NLRC3: variants seen among roughly 807,000 people sequenced by gnomAD.
NLRC3 encodes the protein NLR family CARD domain-containing protein 3.
NLRC3 carries 87 observed loss-of-function variants against 91.6 expected under a neutral mutation model. That is an observed-to-expected ratio of 0.95 (90% CI 0.80 to 1.14). The LOEUF is 1.14. NLRC3 is among the 50% of genes most tolerant of loss of function. NLRC3 has a pLI of 0.00. For synonymous variants in NLRC3, 694 were observed against 625.3 expected, an observed-to-expected ratio of 1.11 and a Z score of -1.64; for missense variants, 1,577 against 1,418.6, an observed-to-expected ratio of 1.11 and a Z score of -1.79.
chr16:3,577,197 G>A lies in NLRC3; in HGVS notation c.-217C>T, dbSNP rs2040339293. On this transcript the variant is annotated 5_prime_UTR_variant, in exon 1 of 20. Transcript: ENST00000359128. Reference sequence around the variant, plus strand: ...AGGGACAGCAAGACTGGGGGGCCTGGGGGCGTCCATCTCCATGCTCCTGGG... The same window carrying A: ...AGGGACAGCAAGACTGGGGGGCCTGAGGGCGTCCATCTCCATGCTCCTGGG... 2 of 703,032 alleles carry A rather than the reference G, an allele frequency of 2.8e-6. No homozygotes were observed. Among genetic ancestry groups the A allele is most frequent in the Non-Finnish European group, 5.2e-6 (2 of 385,004 alleles). 43.5% of individuals were successfully genotyped at this position (703,032 alleles called of 1,614,324 possible). A position where few individuals can be genotyped will look rare whatever the true frequency, so the allele number is the denominator to read the frequency against.
intron 1 of NLRC3, among the ~76,000 whole-genome samples, chr16:3,567,557 T>G (rs1387236849): frequency 6.6e-6 from 1 of 151,962 alleles, no homozygotes; most frequent in East Asian, 2.0e-4. Context: ...GCGGATCACC[T>G]GAGGTTAGGA....
chr16:3,551,985 CCATCCAT>C lies in NLRC3; in HGVS notation c.2351+204_2351+210del, dbSNP rs1567131493. Among the ~76,000 whole-genome samples the C allele has an allele frequency of 3.3e-3, 491 of 150,286 alleles. 3 individuals are homozygous for C. The highest frequency in any genetic ancestry group is 9.0e-3 in the African/African-American group (367 of 40,870). On this transcript the variant is annotated intron_variant, in intron 10 of 19. Transcript: ENST00000359128. Reference sequence around the variant, plus strand: ...CTCATCAGTGTATCCCTTCATTCATCCATCCATCCATCCATCCATCCATCCATCCATC... The same window carrying C: ...CTCATCAGTGTATCCCTTCATTCATCCCATCCATCCATCCATCCATCCATC...
Position 3,571,253 on chromosome 16 carries a change from C to G in NLRC3, c.-168-3929G>C, listed in dbSNP as rs533393081. On this transcript the variant is annotated intron_variant, in intron 1 of 19. Coordinates refer to ENST00000359128, the MANE Select transcript of NLRC3 (RefSeq NM_178844.4). ...ATTAAGGAGTTAAAAGTTGTAAACACAAAACCATAAAAGCACAATAAGAAA... is the reference window on the plus strand; with the variant it reads ...ATTAAGGAGTTAAAAGTTGTAAACAGAAAACCATAAAAGCACAATAAGAAA... Among the ~76,000 whole-genome samples the G allele has an allele frequency of 9.9e-5, 15 of 151,432 alleles. No homozygotes were observed. In the East Asian group the frequency reaches 2.7e-3, roughly 27 times the overall value.
intron 17 of NLRC3, chr16:3,542,999 C>T: frequency 1.8e-6 from 1 of 557,084 alleles, no homozygotes; most frequent in East Asian, 2.9e-5. Context: ...GTTGTTGGAG[C>T]CTTCCTCCTC....
Position 3,560,418 on chromosome 16 carries a change from G to A in NLRC3, c.2015+1284C>T, listed in dbSNP as rs961180534. Among the ~76,000 whole-genome samples the A allele has an allele frequency of 7.9e-5, 12 of 151,400 alleles. No individual in the cohort carries two copies. In the East Asian group the frequency reaches 1.8e-3, roughly 22 times the overall value. ...AGCCTGCCCAACACAGGGAGACTCC[G>A]TCTCAAAACAAAAAAAAAAACAAAA... On this transcript the variant is annotated intron_variant, in intron 6 of 19. Transcript: ENST00000359128.
chr16:3,565,468 GCAAAAA>G (rs2039836893), intron 2 of NLRC3, 88 bp from the exon 3 acceptor site: 15 of 5,974 alleles, frequency 2.5e-3, no homozygotes, highest in South Asian at 4.5e-3. Context: ...GTGGGAAAAA[GCAAAAA>G]AAAAAAAAAA....
chr16:3,572,666 T>A (rs1263292429), intron 1 of NLRC3, among the ~76,000 whole-genome samples: 1 of 152,176 alleles, frequency 6.6e-6, no homozygotes, highest in Non-Finnish European at 1.5e-5. Context: ...CCATTATCTG[T>A]TGTCATTAAA....
Position 3,565,042 on chromosome 16 carries a change from CG to C in NLRC3, c.-7del. The stretch of plus-strand genomic sequence containing the variant: ...CGCACCTCTTGCTTCCTCATGGAGT[CG>C]GGGATCACCTCCAGGAGCTGTGAAG... On this transcript the variant is annotated 5_prime_UTR_variant, in exon 4 of 20. Coordinates refer to ENST00000359128, the MANE Select transcript of NLRC3 (RefSeq NM_178844.4). The C allele has an allele frequency of 1.2e-6, 2 of 1,607,760 alleles. No homozygotes were observed. The highest frequency in any genetic ancestry group is 1.7e-6 in the Non-Finnish European group (2 of 1,179,444).
chr16:3,569,403 T>TA (rs1422436881), intron 1 of NLRC3, among the ~76,000 whole-genome samples: 4 of 100,782 alleles, frequency 4.0e-5, no homozygotes, highest in South Asian at 7.8e-4. Context: ...TATTATTTTT[T>TA]TTTTTTTTTT....
chr16:3,576,671 T>C (rs2040310230), intron 1 of NLRC3, among the ~76,000 whole-genome samples: 1 of 152,150 alleles, frequency 6.6e-6, no homozygotes, highest in South Asian at 2.1e-4. Context: ...TGTTTTGTTT[T>C]GTTTTGTTTT....
intron 10 of NLRC3, among the ~76,000 whole-genome samples, chr16:3,551,587 T>G (rs1216214885): frequency 7.8e-6 from 1 of 127,646 alleles, no homozygotes; most frequent in Non-Finnish European, 1.7e-5. Flanking sequence ...ATGCATCCAT[T>G]CATCCACTCA....
At chr16:3,566,001 C>T (rs955456847) in intron 2 of NLRC3, among the ~76,000 whole-genome samples, 7 of 150,840 alleles carry the variant, frequency 4.6e-5, no homozygotes, top group Non-Finnish European at 5.9e-5. Context: ...GATCACACCA[C>T]GGCACTCCAG....
intron 11 of NLRC3, 71 bp from the exon 12 acceptor site, chr16:3,549,851 G>A: frequency 3.6e-6 from 4 of 1,112,962 alleles, no homozygotes; most frequent in Non-Finnish European, 5.2e-6. Context: ...TCCCAGTCTG[G>A]GACAGCAGGC....
intron 15 of NLRC3, chr16:3,544,638 G>A (rs1177232914): frequency 2.9e-6 from 1 of 343,128 alleles, no homozygotes; most frequent in Non-Finnish European, 5.4e-6. Context: ...ACCAGAAAAT[G>A]AACTTAAAGC....
chr16:3,551,389 CCT>C (rs1567130720), intron 10 of NLRC3, among the ~76,000 whole-genome samples: 1 of 151,188 alleles, frequency 6.6e-6, no homozygotes, highest in East Asian at 2.0e-4. Context: ...TCCACCCATC[CCT>C]CTCTACCCAC....
chr16:3,564,742 C>T lies in NLRC3; in HGVS notation c.195G>A (p.Arg65=), dbSNP rs775341741. The change falls in exon 5 of 20, where the codon AGG becomes AGA. Residue 65 remains arginine, a synonymous_variant. Transcript: ENST00000359128. This position sits in a 1 kb window ranked among gnomAD's most constrained non-coding sequence, Gnocchi z 5.9. ...CCTTGCTCAGCAGGGCCTTGCGGTGCCTCTGTATCCTTGAGTCTGCGGGAC... is the reference window on the plus strand; with the variant it reads ...CCTTGCTCAGCAGGGCCTTGCGGTGTCTCTGTATCCTTGAGTCTGCGGGAC... ...GPCSNDSRIQ[R]HRKALLSKVG... The T allele has an allele frequency of 6.3e-7, 1 of 1,583,252 alleles. No homozygotes were observed. Among genetic ancestry groups the T allele is most frequent in the South Asian group, 1.1e-5 (1 of 88,028 alleles).
intron 1 of NLRC3, among the ~76,000 whole-genome samples, chr16:3,570,857 G>A (rs2040074255): frequency 6.6e-6 from 1 of 152,126 alleles, no homozygotes; most frequent in South Asian, 2.1e-4. Context: ...CCACTGGGGG[G>A]AGTGACATGA....
At chr16:3,562,469 C>T (rs983022825) in intron 5 of NLRC3, among the ~76,000 whole-genome samples, 4 of 152,012 alleles carry the variant, frequency 2.6e-5, no homozygotes, top group East Asian at 1.9e-4. Flanking sequence ...GGTGAAACCC[C>T]GTCTCTACTA....
intron 15 of NLRC3, among the ~76,000 whole-genome samples, chr16:3,547,511 GTATAC>G (rs2038752541): frequency 6.6e-6 from 1 of 152,196 alleles, no homozygotes; most frequent in Middle Eastern, 3.4e-3. Flanking sequence ...CCAGTGAATT[GTATAC>G]TAAGTGGGTG....
Sources: gnomAD v4.1 joint callset for allele counts (sites outside exome capture counted in the v4.1 genomes callset) on GRCh38, gnomAD v4.1.1 for gene constraint, Gnocchi (gnomAD v3.1) non-coding constraint, MANE v1.5 for transcripts, NCBI Gene and HGNC (gene_info 2026-07-23, HGNC 2026-07-21) for gene names.